The following PHF20 variants were observed in gnomAD, a reference collection of about 807,000 sequenced individuals.
PHF20 encodes the protein glioma-expressed antigen 2.
Under a neutral mutation model 113.5 loss-of-function variants are expected in PHF20, and 23 were observed. The observed-to-expected ratio is 0.20, with a 90% confidence interval of 0.15 to 0.29. The LOEUF (loss-of-function observed/expected upper bound fraction) is 0.29. Ranked by LOEUF, PHF20 falls within the 10% of genes least tolerant of loss-of-function variation. The probability of loss-of-function intolerance (pLI) is 1.00; values close to 1 mark genes in which losing one functional copy is unlikely to be tolerated. For synonymous variants in PHF20, 434 were observed against 457.3 expected (o/e 0.95, Z 0.65); for missense variants, 943 against 1,219.6 (o/e 0.77, Z 3.38).
chr20:35,876,087 T>C (rs1261027397), intron 9 of PHF20, among the ~76,000 whole-genome samples: 1 of 152,176 alleles, frequency 6.6e-6, no homozygotes, highest in Non-Finnish European at 1.5e-5. Flanking sequence ...ACAGTAGCCT[T>C]TCTAAGGGAA....
chr20:35,831,159 CCTTT>C (rs1278348562), intron 2 of PHF20, among the ~76,000 whole-genome samples: 1 of 149,862 alleles, frequency 6.7e-6, no homozygotes, highest in African/African-American at 2.5e-5. Flanking sequence ...CTCCCTCCCT[CCTTT>C]CCTTCTCATT....
In PHF20 at chr20:35,939,017, A is replaced by T; in HGVS notation, c.2621A>T (p.Asn874Ile). The T allele has an allele frequency of 6.2e-7, 1 of 1,614,096 alleles. No individual in the cohort carries two copies. Among genetic ancestry groups the T allele is most frequent in the Non-Finnish European group, 8.5e-7 (1 of 1,180,022 alleles). Residue 874 changes from asparagine (N) to isoleucine (I), a missense_variant, in exon 16 of 18, where the codon AAC becomes ATC. Transcript: ENST00000374012. ...LDDAVNPLHENGDDSLSPRLG... is the reference protein window; with the variant it reads ...LDDAVNPLHEIGDDSLSPRLG... ...GATGCGGTCAACCCCCTCCATGAGA[A>T]CGGCGATGATTCCCTTTCCCCGCGC...
At chr20:35,842,939 C>G (rs551878395) in intron 3 of PHF20, among the ~76,000 whole-genome samples, 195 bp downstream of exon 3, 1 of 152,118 alleles carries the variant, frequency 6.6e-6, no homozygotes, top group Non-Finnish European at 1.5e-5. Flanking sequence ...GACGGAGTCT[C>G]GCTGTGTTGC....
At chr20:35,875,444 T>C (rs2054503714) in intron 9 of PHF20, among the ~76,000 whole-genome samples, 1 of 152,052 alleles carries the variant, frequency 6.6e-6, no homozygotes, top group South Asian at 2.1e-4. Context: ...TATTCATTCC[T>C]AGCTCATCTC....
intron 1 of PHF20, among the ~76,000 whole-genome samples, chr20:35,778,881 A>G (rs1472812607): frequency 1.3e-5 from 2 of 152,194 alleles, no homozygotes; most frequent in African/African-American, 4.8e-5. Context: ...GAGCTGGCAG[A>G]AATCCTGTAC....
chr20:35,846,909 G>C (rs2042635261), intron 3 of PHF20, among the ~76,000 whole-genome samples: 2 of 152,168 alleles, frequency 1.3e-5, no homozygotes, highest in African/African-American at 4.8e-5. Flanking sequence ...TCTGGCATCA[G>C]CTTTCATGCT....
chr20:35,774,681 A>G (rs991238268), intron 1 of PHF20: 2 of 152,224 alleles, frequency 1.3e-5, no homozygotes, highest in Non-Finnish European at 2.9e-5. Context: ...ACAAGGCAGG[A>G]AAATACTACA....
At chr20:35,920,650 C>T (rs1392632050) in intron 13 of PHF20, among the ~76,000 whole-genome samples, 1 of 152,124 alleles carries the variant, frequency 6.6e-6, no homozygotes, top group Non-Finnish European at 1.5e-5. Flanking sequence ...AGAAGTGAAA[C>T]AAGAAAAATT....
At chr20:35,843,432 T>C (rs1001979943) in intron 3 of PHF20, among the ~76,000 whole-genome samples, 4 of 144,988 alleles carry the variant, frequency 2.8e-5, no homozygotes, top group African/African-American at 7.8e-5. Flanking sequence ...GGCAGGAGAA[T>C]CGCTTGAACC....
At chr20:35,880,083 T>C (rs567992477) in intron 9 of PHF20, among the ~76,000 whole-genome samples, 4 of 152,232 alleles carry the variant, frequency 2.6e-5, no homozygotes, top group Non-Finnish European at 5.9e-5. Flanking sequence ...TGCCTAGGAC[T>C]GCTAACTGTT....
chr20:35,898,708 T>G (rs1474247878), intron 9 of PHF20, among the ~76,000 whole-genome samples: 1 of 152,194 alleles, frequency 6.6e-6, no homozygotes, highest in East Asian at 1.9e-4. Context: ...CCTCCCGGGT[T>G]CAAGCAATTC....
At chr20:35,842,335 G>GTCTCAAAAATAAAATAAAATAAAA (rs2042550561) in intron 2 of PHF20, among the ~76,000 whole-genome samples, 1 of 152,082 alleles carries the variant, frequency 6.6e-6, no homozygotes, top group African/African-American at 2.4e-5. Context: ...GCGAGACTCT[G>GTCTCAAAAATAAAATAAAATAAAA]TCTCAAAAAT....
chr20:35,875,323 A>G (rs890933215), intron 9 of PHF20, among the ~76,000 whole-genome samples: 3 of 152,044 alleles, frequency 2.0e-5, no homozygotes, highest in Non-Finnish European at 2.9e-5. Context: ...GCTTAAACCC[A>G]GAAGGCAGAG....
At chr20:35,813,191 C>T (rs940423940) in intron 2 of PHF20, among the ~76,000 whole-genome samples, 11 of 152,068 alleles carry the variant, frequency 7.2e-5, no homozygotes, top group Non-Finnish European at 1.2e-4. Flanking sequence ...AGGATGGTCT[C>T]GATCTCCTGG....
At chr20:35,904,675 G>T (rs1323866114) in intron 10 of PHF20, among the ~76,000 whole-genome samples, 1 of 151,952 alleles carries the variant, frequency 6.6e-6, no homozygotes, top group Non-Finnish European at 1.5e-5. Context: ...TAGTAGTTCT[G>T]GTCTGAGAGT....
At chr20:35,874,130 C>A (rs1301517517) in intron 9 of PHF20, among the ~76,000 whole-genome samples, 1 of 152,028 alleles carries the variant, frequency 6.6e-6, no homozygotes, top group Non-Finnish European at 1.5e-5. Flanking sequence ...TGCCACCACG[C>A]CTGGCTAAAT....
At chr20:35,853,334 A>G (rs2042773247) in intron 4 of PHF20, 1 of 152,260 alleles carries the variant, frequency 6.6e-6, no homozygotes, top group African/African-American at 2.4e-5. Context: ...TGAACCATCA[A>G]TTGAGATAAC....
chr20:35,881,321 G>A (rs1395836219), intron 9 of PHF20, among the ~76,000 whole-genome samples: 11 of 151,890 alleles, frequency 7.2e-5, no homozygotes, highest in Non-Finnish European at 1.5e-4. Flanking sequence ...GCCTCACAAA[G>A]TGCTGGGATT....
intron 15 of PHF20, among the ~76,000 whole-genome samples, chr20:35,934,194 T>G (rs2055819853): frequency 6.6e-6 from 1 of 152,066 alleles, no homozygotes; most frequent in Admixed American, 6.5e-5. Context: ...CCTGAGATGG[T>G]GAGATGGGAA....
Sources: gnomAD v4.1 joint callset for allele counts (sites outside exome capture counted in the v4.1 genomes callset) on GRCh38, gnomAD v4.1.1 for gene constraint, MANE v1.5 for transcripts, NCBI Gene and HGNC (gene_info 2026-07-23, HGNC 2026-07-21) for gene names.